Variants in TSNARE1 observed in about 807,000 individuals in gnomAD.
TSNARE1 encodes t-SNARE domain-containing protein 1.
TSNARE1 carries 49 observed loss-of-function variants against 62.0 expected under a neutral mutation model. The ratio of observed to expected loss-of-function variants is 0.79; its 90% CI spans 0.63 to 1.00. The LOEUF (loss-of-function observed/expected upper bound fraction) is 1.00, where lower values mean the gene tolerates loss of function less well. TSNARE1 is among the 50% of genes least tolerant of loss of function. The pLI, the probability that TSNARE1 is intolerant of heterozygous loss-of-function variation, is 0.00. For synonymous variants in TSNARE1, 328 were observed against 294.4 expected, an observed-to-expected ratio of 1.11 and a Z score of -1.17; for missense variants, 755 against 700.1, an observed-to-expected ratio of 1.08 and a Z score of -0.88.
intron 10 of TSNARE1, among the ~76,000 whole-genome samples, chr8:142,286,381 G>C (rs1472071402): frequency 6.6e-6 from 1 of 152,182 alleles, no homozygotes; most frequent in Admixed American, 6.5e-5. Flanking sequence ...GGAGTATTCT[G>C]GGAAATGAAG....
chr8:142,270,591 G>A (rs540155392), intron 12 of TSNARE1: 5 of 985,004 alleles, frequency 5.1e-6, no homozygotes, highest in East Asian at 1.1e-4. Flanking sequence ...TAGGGCAGAG[G>A]AGCCCTGCCC....
intron 1 of TSNARE1, among the ~76,000 whole-genome samples, chr8:142,368,365 A>G (rs78608118): frequency 0.028 from 4,274 of 152,306 alleles, 69 homozygotes; most frequent in East Asian, 0.069. Flanking sequence ...ACTCATAACT[A>G]GAGAAGTGAA....
intron 10 of TSNARE1, among the ~76,000 whole-genome samples, chr8:142,292,537 C>G (rs1270916986): frequency 6.6e-6 from 1 of 152,144 alleles, no homozygotes; most frequent in South Asian, 2.1e-4. Flanking sequence ...GTGGTGCAAG[C>G]AGCTCACCCA....
At position 142,280,137 on chromosome 8, in the gene TSNARE1, G is replaced by C; in HGVS notation, c.1363+4276C>G. 4 of 1,099,388 alleles carry C rather than the reference G, an allele frequency of 3.6e-6. No homozygotes were observed. In the South Asian group the frequency reaches 8.1e-5, roughly 22 times the overall value. 68.1% of individuals were successfully genotyped at this position (1,099,388 alleles called of 1,614,324 possible). On this transcript the variant is annotated intron_variant, in intron 11 of 13. Coordinates refer to ENST00000524325, the MANE Select transcript of TSNARE1 (RefSeq NM_145003.5). ...GCAGCGCCCCGAACAGCAGCGGGTA[G>C]TGGCGCCGCACCCTCTGCACCAGCA...
At chr8:142,402,623 G>A (rs1456661375) in intron 1 of TSNARE1, among the ~76,000 whole-genome samples, 5 of 152,238 alleles carry the variant, frequency 3.3e-5, no homozygotes, top group Non-Finnish European at 5.9e-5. Flanking sequence ...GCATGGAGAG[G>A]CAAGCACACA....
chr8:142,395,087 G>A lies in TSNARE1; in HGVS notation c.-40+8017C>T, dbSNP rs867068836. 2.0e-5 allele frequency among the ~76,000 whole-genome samples: 3 copies of A among 152,138 alleles called. 1 individual carries two copies. In the South Asian group the frequency reaches 6.2e-4, roughly 32 times the overall value. On this transcript the variant is annotated intron_variant, in intron 1 of 13. Transcript: ENST00000524325. ...CCACTTCCTGCTCCTGGCAGGGAAGGGGGGCGGCCCCGTGCATCAAAGGCT... is the reference window on the plus strand; with the variant it reads ...CCACTTCCTGCTCCTGGCAGGGAAGAGGGGCGGCCCCGTGCATCAAAGGCT...
chr8:142,268,073 C>T (rs1210131107), intron 12 of TSNARE1, among the ~76,000 whole-genome samples: 1 of 152,194 alleles, frequency 6.6e-6, no homozygotes, highest in Admixed American at 6.5e-5. Flanking sequence ...CACTCCTGGA[C>T]CCTCCTGGTT....
At chr8:142,338,617 A>C (rs1208511398) in intron 4 of TSNARE1, among the ~76,000 whole-genome samples, 3 of 152,340 alleles carry the variant, frequency 2.0e-5, no homozygotes, top group Non-Finnish European at 4.4e-5. Flanking sequence ...GGGCAAGCTG[A>C]CAGGCTGCCA....
chr8:142,380,816 C>T (rs1017623113), intron 1 of TSNARE1, among the ~76,000 whole-genome samples: 50 of 152,112 alleles, frequency 3.3e-4, no homozygotes, highest in African/African-American at 1.1e-3. Context: ...TGCTGACAGG[C>T]GTGGTCTGAG....
intron 9 of TSNARE1, among the ~76,000 whole-genome samples, chr8:142,311,299 T>TTTTTTTTTTTTTTTTA: frequency 7.2e-6 from 1 of 138,170 alleles, no homozygotes; most frequent in Non-Finnish European, 1.5e-5. Flanking sequence ...AGTTTTTTTT[T>TTTTTTTTTTTTTTTTA]TTTTTTTTTT....
intron 10 of TSNARE1, among the ~76,000 whole-genome samples, chr8:142,297,572 C>T (rs1824977719): frequency 6.6e-6 from 1 of 152,156 alleles, no homozygotes; most frequent in African/African-American, 2.4e-5. Context: ...ATGAGGGTGC[C>T]GGCTCCACAG....
At chr8:142,258,703 TA>T (rs1446980331) in intron 12 of TSNARE1, among the ~76,000 whole-genome samples, 1 of 152,090 alleles carries the variant, frequency 6.6e-6, no homozygotes, top group Non-Finnish European at 1.5e-5. Context: ...ATATTTTTAG[TA>T]GAGACAGAGT....
At chr8:142,229,666 G>T in intron 12 of TSNARE1, 87 bp from the exon 13 acceptor site, 1 of 1,251,360 alleles carries the variant, frequency 8.0e-7, no homozygotes, top group Non-Finnish European at 1.1e-6. Context: ...ACTTTGGGCT[G>T]TGGCATGCAG....
At chr8:142,329,749 C>T (rs1830745294) in intron 6 of TSNARE1, among the ~76,000 whole-genome samples, 1 of 152,224 alleles carries the variant, frequency 6.6e-6, no homozygotes, top group South Asian at 2.1e-4. Context: ...CTAACAGCAG[C>T]TCCCAGGCAT....
At chr8:142,290,240 C>T (rs1373437531) in intron 10 of TSNARE1, among the ~76,000 whole-genome samples, 1 of 152,050 alleles carries the variant, frequency 6.6e-6, no homozygotes, top group Non-Finnish European at 1.5e-5. Context: ...GGGGCTGGGA[C>T]TGCCCCGGAT....
chr8:142,280,118 C>T (rs1821168811), intron 11 of TSNARE1: 4 of 1,131,338 alleles, frequency 3.5e-6, no homozygotes, highest in South Asian at 1.8e-5. Flanking sequence ...CCCCGCAGCG[C>T]CCCGAACAGC....
At chr8:142,292,726 G>A (rs1179400494) in intron 10 of TSNARE1, among the ~76,000 whole-genome samples, 2 of 152,098 alleles carry the variant, frequency 1.3e-5, no homozygotes, top group African/African-American at 2.4e-5. Context: ...CCCCCAGAAC[G>A]CCACCTAAGC....
chr8:142,284,164 T>C (rs1170048816), intron 11 of TSNARE1, among the ~76,000 whole-genome samples: 2 of 152,052 alleles, frequency 1.3e-5, no homozygotes, highest in East Asian at 3.9e-4. Context: ...TGGGGGCCAG[T>C]GTCTGTCAAT....
In TSNARE1 at chr8:142,278,868, G is replaced by C. The variant is rs973784793; in HGVS notation, c.1364-4005C>G. 6.5e-6 allele frequency: 6 copies of C among 923,760 alleles called. No individual in the cohort carries two copies. The African/African-American group carries it at 7.1e-5, about 11-fold the overall frequency. The allele number at this position is 923,760 out of a possible 1,614,324, so 57.2% of individuals were successfully genotyped here. A position where few individuals can be genotyped will look rare whatever the true frequency, so the allele number is the denominator to read the frequency against. Reference sequence around the variant, plus strand: ...TGCAGGCCAGAGTGAGGCACAGCGTGGGGCGGGGAAGAGTCAAGCTGGGGC... The same window carrying C: ...TGCAGGCCAGAGTGAGGCACAGCGTCGGGCGGGGAAGAGTCAAGCTGGGGC... On this transcript the variant is annotated intron_variant, in intron 11 of 13. Coordinates refer to ENST00000524325, the MANE Select transcript of TSNARE1 (RefSeq NM_145003.5).
Sources: gnomAD v4.1 joint callset for allele counts (sites outside exome capture counted in the v4.1 genomes callset) on GRCh38, gnomAD v4.1.1 for gene constraint, MANE v1.5 for transcripts, NCBI Gene and HGNC (gene_info 2026-07-23, HGNC 2026-07-21) for gene names.